The following FLRT1 variants were observed in gnomAD, a reference collection of about 807,000 sequenced individuals.
The protein encoded by FLRT1 is fibronectin leucine rich transmembrane protein 1, also known as leucine-rich repeat transmembrane protein FLRT1.
Under a neutral mutation model 30.9 loss-of-function variants are expected in FLRT1, and 14 were observed. The ratio of observed to expected loss-of-function variants is 0.45; its 90% CI spans 0.30 to 0.71. The LOEUF is 0.71. FLRT1 is among the 30% of genes least tolerant of loss of function. The pLI, the probability that FLRT1 is intolerant of heterozygous loss-of-function variation, is 0.08. For missense variants in FLRT1, 737 were observed against 949.2 expected (o/e 0.78, Z 2.94); for synonymous variants, 368 against 430.4 (o/e 0.85, Z 1.80).
At chr11:64,066,552 A>G (rs1944009407) in intron 1 of FLRT1, among the ~76,000 whole-genome samples, 1 of 151,832 alleles carries the variant, frequency 6.6e-6, no homozygotes, top group Admixed American at 6.6e-5. Context: ...CTGGGAGGTC[A>G]AGGCTACAGT....
At chr11:64,060,851 A>T (rs1350004809) in intron 1 of FLRT1, among the ~76,000 whole-genome samples, 1 of 152,068 alleles carries the variant, frequency 6.6e-6, no homozygotes, top group African/African-American at 2.4e-5. Flanking sequence ...GGCGGGTGTG[A>T]ACGGGGCCAA....
At chr11:64,074,239 C>T (rs776516802) in intron 1 of FLRT1, among the ~76,000 whole-genome samples, 1 of 152,226 alleles carries the variant, frequency 6.6e-6, no homozygotes. Context: ...GAATGCAGTT[C>T]GTGGGGTTCT....
intron 1 of FLRT1, among the ~76,000 whole-genome samples, chr11:64,065,790 A>C (rs1391505732): frequency 2.6e-5 from 2 of 76,824 alleles, no homozygotes; most frequent in African/African-American, 4.3e-4. Context: ...ACTCCGCCTC[A>C]AAAAAAAAAA....
rs900649242 is a variant in FLRT1 at position 64,082,103 on chromosome 11, G to C, written c.-1037-21091G>C. On this transcript the variant is annotated intron_variant, in intron 1 of 2. Coordinates refer to ENST00000682287, the MANE Select transcript of FLRT1 (RefSeq NM_013280.5). This position sits in a 1 kb window ranked among gnomAD's most constrained non-coding sequence, Gnocchi z 4.5. ...GGCCGTGGCGAGAACAGATGGGGCTGTGCCCATCTCCCCAGGCCCTCCTGT... is the reference window on the plus strand; with the variant it reads ...GGCCGTGGCGAGAACAGATGGGGCTCTGCCCATCTCCCCAGGCCCTCCTGT... 1 of 152,210 alleles carries C rather than the reference G, an allele frequency of 6.6e-6. No individual in the cohort carries two copies. The highest frequency in any genetic ancestry group is 2.4e-5 in the African/African-American group (1 of 41,424). The allele number at this position is 152,210 out of a possible 1,614,324, so 9.4% of individuals were successfully genotyped here.
At chr11:64,094,471 T>TG (rs1944542584) in intron 1 of FLRT1, among the ~76,000 whole-genome samples, 1 of 150,644 alleles carries the variant, frequency 6.6e-6, no homozygotes, top group Admixed American at 6.6e-5. Context: ...TTAAGCAGGC[T>TG]GGGGACAAGG....
intron 1 of FLRT1, among the ~76,000 whole-genome samples, chr11:64,081,165 G>A (rs1281035006): frequency 1.3e-5 from 2 of 152,140 alleles, no homozygotes; most frequent in African/African-American, 4.8e-5. Flanking sequence ...GGGATTACAG[G>A]TGTCCACCAC....
chr11:64,081,395 G>C (rs1944300827), intron 1 of FLRT1, among the ~76,000 whole-genome samples: 1 of 152,196 alleles, frequency 6.6e-6, no homozygotes, highest in Non-Finnish European at 1.5e-5. Flanking sequence ...GGCGTGCTCA[G>C]GGACGTTACA....
intron 1 of FLRT1, among the ~76,000 whole-genome samples, chr11:64,073,993 A>T (rs1944156170): frequency 6.6e-6 from 1 of 152,100 alleles, no homozygotes; most frequent in Non-Finnish European, 1.5e-5. Flanking sequence ...CACAAGGCAG[A>T]GGCGTCTGGC....
Position 64,118,030 on chromosome 11 carries a change from G to C in FLRT1, c.1763G>C (p.Arg588Thr), listed in dbSNP as rs1945025028. The change falls in exon 3 of 3, where the codon AGG becomes ACG. Residue 588 changes from arginine to threonine, a missense_variant. Physicochemically the swap from Arg to Thr is moderately conservative, Grantham distance 71. Coordinates refer to ENST00000682287, the MANE Select transcript of FLRT1 (RefSeq NM_013280.5). ...HQAGELLTRE[R>T]AYNRGSRKKD... The stretch of plus-strand genomic sequence containing the variant: ...GCTGGCGAGCTGCTGACCCGGGAGA[G>C]GGCCTACAACCGGGGCAGCAGGAAA... The C allele has an allele frequency of 6.2e-7, 1 of 1,613,588 alleles. No individual in the cohort carries two copies. The highest frequency in any genetic ancestry group is 8.5e-7 in the Non-Finnish European group (1 of 1,179,964).
chr11:64,116,202 T>C lies in FLRT1; in HGVS notation c.-49-17T>C. ...CGCCGCCTCCCTCTCACTGCCCCTG[T>C]CCTGTGCTCCTTGCAGGTATTCAGG... On this transcript the variant is annotated splice_polypyrimidine_tract_variant and intron_variant, in intron 2 of 2. Transcript: ENST00000682287. 2.6e-6 allele frequency: 4 copies of C among 1,542,670 alleles called. No homozygotes were observed. Among genetic ancestry groups the C allele is most frequent in the Non-Finnish European group, 3.5e-6 (4 of 1,150,758 alleles).
intron 1 of FLRT1, among the ~76,000 whole-genome samples, chr11:64,071,982 T>C (rs1944116163): frequency 6.6e-6 from 1 of 152,226 alleles, no homozygotes; most frequent in African/African-American, 2.4e-5. Context: ...GGGAACGGGC[T>C]GGCTCCTGAG....
intron 1 of FLRT1, among the ~76,000 whole-genome samples, chr11:64,085,199 A>G (rs1040536111): frequency 1.3e-5 from 2 of 152,156 alleles, no homozygotes; most frequent in Admixed American, 1.3e-4. Context: ...GCCCGAGTGG[A>G]CAGGTGGGGA....
rs35851449 is a variant in FLRT1 at position 64,117,995 on chromosome 11, C to A, written c.1728C>A (p.Tyr576Ter). Residue 576 changes from tyrosine to a stop codon, truncating the protein, a stop_gained, in exon 3 of 3, where the codon TAC (tyrosine) becomes TAA (stop). Coordinates refer to ENST00000682287, the MANE Select transcript of FLRT1 (RefSeq NM_013280.5). LOFTEE classifies it high-confidence loss of function. The stretch of plus-strand genomic sequence containing the variant: ...TGGTCCTGGGGGCCATCTGCTGGTA[C>A]GTGCACCAGGCTGGCGAGCTGCTGA... ...LFLVLGAICW[Y>*]VHQAGELLTR... is the part of the protein sequence containing the mutation. The A allele has an allele frequency of 6.2e-7, 1 of 1,613,776 alleles. No homozygotes were observed. Among genetic ancestry groups the A allele is most frequent in the Non-Finnish European group, 8.5e-7 (1 of 1,180,004 alleles).
At chr11:64,089,577 G>C (rs1166886927) in intron 1 of FLRT1, among the ~76,000 whole-genome samples, 1 of 152,250 alleles carries the variant, frequency 6.6e-6, no homozygotes, top group East Asian at 1.9e-4. Flanking sequence ...CCACGGACCA[G>C]AGAAAGCGGC....
intron 1 of FLRT1, among the ~76,000 whole-genome samples, chr11:64,075,703 GCT>G (rs1944188048): frequency 6.6e-6 from 1 of 152,182 alleles, no homozygotes; most frequent in Non-Finnish European, 1.5e-5. Context: ...ATGGAGTTGC[GCT>G]CTTCTTGCCC....
At chr11:64,054,948 TCTCAGGATGG>T (rs1384575554) in intron 1 of FLRT1, among the ~76,000 whole-genome samples, 1 of 152,114 alleles carries the variant, frequency 6.6e-6, no homozygotes, top group Non-Finnish European at 1.5e-5. Flanking sequence ...CCGCTGAATT[TCTCAGGATGG>T]CTCAGGATCT....
At chr11:64,094,428 C>A (rs1273067812) in intron 1 of FLRT1, among the ~76,000 whole-genome samples, 2 of 116,248 alleles carry the variant, frequency 1.7e-5, no homozygotes, top group South Asian at 3.0e-4. Flanking sequence ...GAGACTCCAA[C>A]TTAAAAAAAA....
Position 64,073,997 on chromosome 11 carries a change from G to A in FLRT1, c.-1037-29197G>A, listed in dbSNP as rs541669677. Among the ~76,000 whole-genome samples the A allele has an allele frequency of 1.3e-4, 20 of 152,296 alleles. No individual in the cohort carries two copies. In the East Asian group the frequency reaches 1.4e-3, roughly 10 times the overall value. On this transcript the variant is annotated intron_variant, in intron 1 of 2. Transcript: ENST00000682287. ...GGAGGCCCAGGCACAAGGCAGAGGC[G>A]TCTGGCCAGGCCCTGAGTCCCCAGC... is the stretch of plus-strand genomic sequence containing the variant.
At chr11:64,045,310 G>A (rs1943563494) in intron 1 of FLRT1, among the ~76,000 whole-genome samples, 1 of 152,242 alleles carries the variant, frequency 6.6e-6, no homozygotes, top group Admixed American at 6.5e-5. Flanking sequence ...TGAGCGAGTG[G>A]CAGCAGCTCC....
Sources: gnomAD v4.1 joint callset for allele counts (sites outside exome capture counted in the v4.1 genomes callset) on GRCh38, gnomAD v4.1.1 for gene constraint, Gnocchi (gnomAD v3.1) non-coding constraint, MANE v1.5 for transcripts, NCBI Gene and HGNC (gene_info 2026-07-23, HGNC 2026-07-21) for gene names.